Variants in LPP observed in about 807,000 individuals in gnomAD.
LPP encodes the protein lipoma-preferred partner.
Under a neutral mutation model 60.4 loss-of-function variants are expected in LPP, and 38 were observed. The ratio of observed to expected loss-of-function variants is 0.63; its 90% CI spans 0.49 to 0.83. The LOEUF is 0.83. Among genes scored for constraint, LPP ranks in the 40% least tolerant of loss-of-function variants. LPP has a pLI of 0.00. For synonymous variants in LPP, 328 were observed against 290.8 expected (o/e 1.13, Z -1.30); for missense variants, 902 against 783.6 (o/e 1.15, Z -1.80).
chr3:188,760,199 AC>A lies in LPP; in HGVS notation c.1329del (p.Cys444AlafsTer60). On this transcript the variant is annotated frameshift_variant, in exon 9 of 12. Transcript: ENST00000617246. LOFTEE classifies it high-confidence loss of function. The part of the protein sequence containing the change: ...MDQVFHVDCF[T>X]CIICNNKLRG... The stretch of plus-strand genomic sequence containing the variant: ...TCAGGTCTTCCACGTGGATTGTTTT[AC>A]CTGCATCATCTGCAACAACAAGCTC... The A allele has an allele frequency of 6.2e-7, 1 of 1,613,996 alleles. No homozygotes were observed. The highest frequency in any genetic ancestry group is 1.7e-5 in the Admixed American group (1 of 59,986).
At chr3:188,332,732 G>A (rs529837514) in intron 2 of LPP, among the ~76,000 whole-genome samples, 17 of 152,264 alleles carry the variant, frequency 1.1e-4, no homozygotes, top group Admixed American at 3.3e-4. Context: ...CTGCTTCATC[G>A]AACATTTTTG....
chr3:188,433,085 C>T (rs1791356039), intron 4 of LPP, among the ~76,000 whole-genome samples: 1 of 152,116 alleles, frequency 6.6e-6, no homozygotes, highest in Admixed American at 6.6e-5. Flanking sequence ...TTATCTCTAT[C>T]TAGGCTGGAG....
rs532361154 is a variant in LPP, at chr3:188,610,693, A to G, written c.1113+849A>G. Reference sequence around the variant, plus strand: ...CTGAATAGGTAAGGTGTAATACTACACATGCCCACTCACCACAACTTGGAT... The same window carrying G: ...CTGAATAGGTAAGGTGTAATACTACGCATGCCCACTCACCACAACTTGGAT... On this transcript the variant is annotated intron_variant, in intron 7 of 11. Coordinates refer to ENST00000617246, the MANE Select transcript of LPP (RefSeq NM_001375462.1). The surrounding 1 kb of genome is among the most constrained non-coding windows in gnomAD (Gnocchi z 4.4). 6.6e-6 allele frequency among the ~76,000 whole-genome samples: 1 copy of G among 152,328 alleles called. No homozygotes were observed. Among genetic ancestry groups the G allele is most frequent in the African/African-American group, 2.4e-5 (1 of 41,568 alleles).
rs1397502338 is a variant in LPP, at chr3:188,225,449, G to C, written c.-145G>C. ...GAGACAGAGCAGAAGACAGAACCTG[G>C]TCTTCTGATTCCCTGTGTTCTGCTT... On this transcript the variant is annotated 5_prime_UTR_variant, in exon 2 of 12. Coordinates refer to ENST00000617246, the MANE Select transcript of LPP (RefSeq NM_001375462.1). The C allele has an allele frequency of 6.6e-6, 1 of 152,204 alleles. No individual in the cohort carries two copies. The highest frequency in any genetic ancestry group is 1.9e-4 in the East Asian group (1 of 5,200). The allele number at this position is 152,204 out of a possible 1,614,324, so 9.4% of individuals were successfully genotyped here. A position where few individuals can be genotyped will look rare whatever the true frequency, so the allele number is the denominator to read the frequency against.
intron 2 of LPP, among the ~76,000 whole-genome samples, chr3:188,292,109 T>C (rs1746190719): frequency 6.6e-6 from 1 of 152,228 alleles, no homozygotes; most frequent in African/African-American, 2.4e-5. Flanking sequence ...AGCATGTGTT[T>C]TTCAAAAATC....
At chr3:188,364,525 CAG>C (rs1156282265) in intron 3 of LPP, among the ~76,000 whole-genome samples, 1 of 152,204 alleles carries the variant, frequency 6.6e-6, no homozygotes, top group East Asian at 1.9e-4. Flanking sequence ...CAAAAACACT[CAG>C]AGATAGAGTT....
chr3:188,528,302 C>T (rs1046923433), intron 6 of LPP, among the ~76,000 whole-genome samples: 2 of 152,118 alleles, frequency 1.3e-5, no homozygotes, highest in Non-Finnish European at 2.9e-5. Flanking sequence ...GCTGGGGTTA[C>T]AGGCATGAGC....
chr3:188,652,656 G>T (rs760063095), intron 7 of LPP, among the ~76,000 whole-genome samples: 4 of 152,212 alleles, frequency 2.6e-5, no homozygotes, highest in Non-Finnish European at 4.4e-5. Context: ...TTTAGAGTCA[G>T]AAGTAGGGTC....
At chr3:188,701,127 T>C (rs1327004753) in intron 7 of LPP, among the ~76,000 whole-genome samples, 1 of 152,212 alleles carries the variant, frequency 6.6e-6, no homozygotes, top group East Asian at 1.9e-4. Flanking sequence ...TGACAGATAC[T>C]GTTATGTATG....
At chr3:188,841,278 C>T (rs1262987548) in intron 9 of LPP, among the ~76,000 whole-genome samples, 5 of 135,116 alleles carry the variant, frequency 3.7e-5, no homozygotes, top group African/African-American at 1.4e-4. Context: ...CTCTCAATGC[C>T]ATGGGACAGT....
chr3:188,475,545 A>G (rs945403747), intron 4 of LPP, among the ~76,000 whole-genome samples: 28 of 152,326 alleles, frequency 1.8e-4, no homozygotes, highest in South Asian at 4.1e-4. Flanking sequence ...ATACAGGCCT[A>G]TATAAAATTG....
chr3:188,323,915 C>T (rs1251817070), intron 2 of LPP, among the ~76,000 whole-genome samples: 2 of 152,178 alleles, frequency 1.3e-5, no homozygotes, highest in East Asian at 1.9e-4. Flanking sequence ...AGCTATATAA[C>T]GTCTCTGAGC....
chr3:188,297,870 T>C (rs1281271459), intron 2 of LPP, among the ~76,000 whole-genome samples: 2 of 152,230 alleles, frequency 1.3e-5, no homozygotes, highest in Non-Finnish European at 2.9e-5. Context: ...CACTACTTCA[T>C]TTTGGCAAAA....
In LPP at chr3:188,877,867, T is replaced by G. The variant is rs1769432815; in HGVS notation, c.*3388T>G. ...GGTTCTTTTTCTTGTCATTAACACA[T>G]TGTTATTTCTGTAGGAGCAACTTCT... On this transcript the variant is annotated 3_prime_UTR_variant, in exon 12 of 12. Coordinates refer to ENST00000617246, the MANE Select transcript of LPP (RefSeq NM_001375462.1). 4.7e-6 allele frequency: 1 copy of G among 215,000 alleles called. No homozygotes were observed. Among genetic ancestry groups the G allele is most frequent in the South Asian group, 1.9e-4 (1 of 5,372 alleles). 13.3% of individuals were successfully genotyped at this position (215,000 alleles called of 1,614,324 possible).
intron 6 of LPP, among the ~76,000 whole-genome samples, chr3:188,537,947 A>G (rs1466817325): frequency 6.6e-6 from 1 of 152,214 alleles, no homozygotes; most frequent in Non-Finnish European, 1.5e-5. Flanking sequence ...CATTATGTTT[A>G]TGGACAATTG....
At chr3:188,435,335 C>T (rs2149199976) in intron 4 of LPP, among the ~76,000 whole-genome samples, 1 of 152,188 alleles carries the variant, frequency 6.6e-6, no homozygotes, top group East Asian at 1.9e-4. Context: ...ACTAAATATT[C>T]CTATTATTTT....
At position 188,708,305 on chromosome 3, in the gene LPP, C is replaced by G. The variant is rs1035501513; in HGVS notation, c.1152C>G (p.Ala384=). ...HSGQLGPSSV[A]PSFRPEDELE... is the part of the protein sequence containing the mutation. Reference sequence around the variant, plus strand: ...GGCAACTGGGGCCTTCGTCAGTTGCCCCTTCATTCCGCCCAGAGGATGAGC... The same window carrying G: ...GGCAACTGGGGCCTTCGTCAGTTGCGCCTTCATTCCGCCCAGAGGATGAGC... Residue 384 remains alanine (A), a synonymous_variant, in exon 8 of 12, where the codon GCC becomes GCG. Transcript: ENST00000617246. The G allele has an allele frequency of 1.9e-6, 3 of 1,613,950 alleles. No individual in the cohort carries two copies. The African/African-American group carries it at 4.0e-5, about 22-fold the overall frequency.
chr3:188,715,491 A>G (rs890467903), intron 8 of LPP, among the ~76,000 whole-genome samples: 2 of 151,930 alleles, frequency 1.3e-5, no homozygotes, highest in African/African-American at 4.8e-5. Flanking sequence ...AAACTTTTAA[A>G]TTGAGTATTA....
chr3:188,511,222 T>TC (rs1297526725), intron 5 of LPP, among the ~76,000 whole-genome samples: 2 of 88,952 alleles, frequency 2.2e-5, no homozygotes, highest in Non-Finnish European at 4.4e-5. Flanking sequence ...CTCCCTTCCT[T>TC]CCTCCCTTCC....
Sources: gnomAD v4.1 joint callset for allele counts (sites outside exome capture counted in the v4.1 genomes callset) on GRCh38, gnomAD v4.1.1 for gene constraint, Gnocchi (gnomAD v3.1) non-coding constraint, MANE v1.5 for transcripts, NCBI Gene and HGNC (gene_info 2026-07-23, HGNC 2026-07-21) for gene names.